SPMIP10: variants seen among roughly 807,000 people sequenced by gnomAD.
The protein encoded by SPMIP10 is sperm-associated microtubule inner protein 10.
chr5:126,632,615 T>C, the SPMIP10 span: 1 of 1,611,418 alleles, frequency 6.2e-7, no homozygotes, highest in Non-Finnish European at 8.5e-7. Context: ...ATGTCATGCC[T>C]TGGAAAGAAA....
the SPMIP10 span, chr5:126,635,881 C>T: frequency 2.9e-6 from 2 of 696,894 alleles, no homozygotes; most frequent in Non-Finnish European, 4.9e-6. Flanking sequence ...AGGCTGGTCT[C>T]AAATTCCTGA....
chr5:126,633,461 T>C, the SPMIP10 span, among the ~76,000 whole-genome samples: 3 of 152,048 alleles, frequency 2.0e-5, no homozygotes, highest in Admixed American at 2.0e-4. Flanking sequence ...CTGAGCTCAA[T>C]TGATCCTCCT....
chr5:126,635,864 G>C, the SPMIP10 span, among the ~76,000 whole-genome samples: 1 of 151,848 alleles, frequency 6.6e-6, no homozygotes, highest in Non-Finnish European at 1.5e-5. Context: ...GTCTTGCTCT[G>C]TTGCCCAGGC....
At chr5:126,633,023 A>ATATATATATATG in the SPMIP10 span, among the ~76,000 whole-genome samples, 2 of 145,972 alleles carry the variant, frequency 1.4e-5, no homozygotes, top group African/African-American at 5.1e-5. Context: ...ATATATATAT[A>ATATATATATATG]TATATATATA....
chr5:126,636,027 C>G, the SPMIP10 span: 2 of 1,609,666 alleles, frequency 1.2e-6, no homozygotes, highest in Non-Finnish European at 1.7e-6. Flanking sequence ...TTTCTTTTCT[C>G]TTAGCAAGCA....
the SPMIP10 span, among the ~76,000 whole-genome samples, chr5:126,632,298 A>G: frequency 3.3e-5 from 5 of 149,648 alleles, no homozygotes. Context: ...TCAGATTAAA[A>G]TGGACATTGT....
At chr5:126,634,857 C>G in the SPMIP10 span, among the ~76,000 whole-genome samples, 1 of 152,068 alleles carries the variant, frequency 6.6e-6, no homozygotes, top group Non-Finnish European at 1.5e-5. Flanking sequence ...GAGTTAAAAA[C>G]TGCATCTAAC....
chr5:126,632,454 A>C, the SPMIP10 span: 1 of 740,556 alleles, frequency 1.4e-6, no homozygotes, highest in South Asian at 1.5e-5. Flanking sequence ...AGGGGACCAA[A>C]CATGAATGCA....
the SPMIP10 span, among the ~76,000 whole-genome samples, chr5:126,635,705 G>T: frequency 6.6e-6 from 1 of 152,168 alleles, no homozygotes; most frequent in Admixed American, 6.5e-5. Flanking sequence ...AGGGGATGGG[G>T]TCTCACTCTG....
chr5:126,636,031 G>C, the SPMIP10 span: 2 of 1,610,472 alleles, frequency 1.2e-6, no homozygotes, highest in Admixed American at 1.7e-5. Context: ...TTTTCTCTTA[G>C]CAAGCAGAAG....
the SPMIP10 span, chr5:126,635,947 C>T: frequency 4.3e-6 from 5 of 1,165,412 alleles, no homozygotes; most frequent in African/African-American, 3.1e-5. Context: ...CAGGCATGAG[C>T]CATGGCTCCT....
At chr5:126,631,867 A>T in the SPMIP10 span, 1 of 1,185,642 alleles carries the variant, frequency 8.4e-7, no homozygotes, top group Non-Finnish European at 1.3e-6. Context: ...TTGTTTTGCA[A>T]CCTGGGAGCC....
At chr5:126,635,479 G>T in the SPMIP10 span, among the ~76,000 whole-genome samples, 1 of 152,004 alleles carries the variant, frequency 6.6e-6, no homozygotes, top group Admixed American at 6.6e-5. Context: ...GGGAGTAAAT[G>T]ACTTGAAAAG....
chr5:126,632,261 A>T, the SPMIP10 span, among the ~76,000 whole-genome samples: 3 of 67,820 alleles, frequency 4.4e-5, no homozygotes, highest in South Asian at 5.7e-4. Context: ...ATCTCATTAA[A>T]AAAAAAAAAA....
chr5:126,636,191 A>G, the SPMIP10 span: 13 of 1,614,058 alleles, frequency 8.1e-6, 1 homozygote, highest in Middle Eastern at 6.6e-4. Context: ...GCCTCTCTCC[A>G]GATACCAAAG....
chr5:126,632,774 G>C, the SPMIP10 span: 1 of 611,476 alleles, frequency 1.6e-6, no homozygotes, highest in Middle Eastern at 4.2e-4. Flanking sequence ...GATCACTTGA[G>C]GTCAGGAGTT....
chr5:126,633,008 C>CATATATATATATATATATATAT, the SPMIP10 span, among the ~76,000 whole-genome samples: 234 of 125,254 alleles, frequency 1.9e-3, 2 homozygotes, highest in African/African-American at 7.8e-3. Context: ...ATAAATTTTA[C>CATATATATATATATATATATAT]ATATATATAT....
the SPMIP10 span, chr5:126,636,119 C>T: frequency 1.8e-4 from 286 of 1,613,828 alleles, no homozygotes; most frequent in Non-Finnish European, 2.1e-4. Flanking sequence ...TGGGGAAGAT[C>T]GTAAAGTTGT....
At chr5:126,631,749 A>G in the SPMIP10 span, 4 of 1,611,362 alleles carry the variant, frequency 2.5e-6, no homozygotes, top group Middle Eastern at 3.3e-4. Flanking sequence ...CTTCAGGGAA[A>G]GATACTTGTC....
Sources: allele counts gnomAD v4.1 joint callset (sites outside exome capture counted in the v4.1 genomes callset), GRCh38; gene constraint gnomAD v4.1.1; transcripts MANE v1.5; gene names NCBI Gene and HGNC (gene_info 2026-07-23, HGNC 2026-07-21).